ZBTB44: variants seen among roughly 807,000 people sequenced by gnomAD.
ZBTB44 encodes zinc finger and BTB domain containing 44.
Under a neutral mutation model 54.0 loss-of-function variants are expected in ZBTB44, and 15 were observed. The observed-to-expected ratio is 0.28, with a 90% CI of 0.19 to 0.43. The LOEUF (loss-of-function observed/expected upper bound fraction) is 0.43. ZBTB44 is among the 20% of genes least tolerant of loss of function. ZBTB44 has a pLI of 1.00. For synonymous variants in ZBTB44, 230 were observed against 250.1 expected, an observed-to-expected ratio of 0.92 and a Z score of 0.76; for missense variants, 487 against 707.1, an observed-to-expected ratio of 0.69 and a Z score of 3.53.
At chr11:130,240,910 T>C (rs1304121587) in intron 2 of ZBTB44, among the ~76,000 whole-genome samples, 1 of 152,224 alleles carries the variant, frequency 6.6e-6, no homozygotes, top group Non-Finnish European at 1.5e-5. Context: ...CTAAAACAGT[T>C]ATCATTTTGC....
chr11:130,260,328 G>C (rs1938769464), intron 2 of ZBTB44, among the ~76,000 whole-genome samples: 1 of 152,150 alleles, frequency 6.6e-6, no homozygotes, highest in Non-Finnish European at 1.5e-5. Flanking sequence ...CCACACTTGG[G>C]TAAACTCTTA....
Position 130,295,590 on chromosome 11 carries a change from T to A in ZBTB44, c.-57+18785A>T. 3 of 729,614 alleles carry A rather than the reference T, an allele frequency of 4.1e-6. No homozygotes were observed. In the Admixed American group the frequency reaches 6.5e-5, roughly 16 times the overall value. The allele number at this position is 729,614 out of a possible 1,614,324, so 45.2% of individuals were successfully genotyped here. A position where few individuals can be genotyped will look rare whatever the true frequency, so the allele number is the denominator to read the frequency against. ...ACAGGAGCATTTGAGGATACTTCAT[T>A]TGCTTCTCTACATAATATTGTCAAT... On this transcript the variant is annotated intron_variant, in intron 1 of 7. Coordinates refer to ENST00000357899, the MANE Select transcript of ZBTB44 (RefSeq NM_001301098.2).
chr11:130,295,921 T>A (rs1037680091), intron 1 of ZBTB44: 1 of 1,518,632 alleles, frequency 6.6e-7, no homozygotes, highest in African/African-American at 1.4e-5. Flanking sequence ...CAGTAACGGA[T>A]CTGCTGAAGC....
intron 1 of ZBTB44, among the ~76,000 whole-genome samples, chr11:130,305,778 T>C (rs1003873741): frequency 2.6e-5 from 4 of 152,196 alleles, no homozygotes; most frequent in South Asian, 4.1e-4. Context: ...AGCTTCTACA[T>C]AGCAAAAGAA....
intron 1 of ZBTB44, among the ~76,000 whole-genome samples, chr11:130,282,644 G>A (rs1940614725): frequency 6.6e-6 from 1 of 152,182 alleles, no homozygotes; most frequent in South Asian, 2.1e-4. Context: ...TAGCCCTACA[G>A]CCTTCTACTA....
At chr11:130,293,828 T>C (rs1456707267) in intron 1 of ZBTB44, among the ~76,000 whole-genome samples, 1 of 151,938 alleles carries the variant, frequency 6.6e-6, no homozygotes, top group Admixed American at 6.6e-5. Flanking sequence ...AAAAAAACCA[T>C]TTTATAACTA....
chr11:130,296,194 A>G (rs1941632322), intron 1 of ZBTB44: 3 of 1,320,648 alleles, frequency 2.3e-6, no homozygotes, highest in Admixed American at 3.6e-5. Flanking sequence ...TGAAAAAAGG[A>G]GCCATTGTAT....
chr11:130,252,714 T>C, intron 2 of ZBTB44, among the ~76,000 whole-genome samples: 1 of 152,194 alleles, frequency 6.6e-6, no homozygotes, highest in East Asian at 1.9e-4. Context: ...CTAACTCATT[T>C]TATGAGGCCA....
intron 1 of ZBTB44, among the ~76,000 whole-genome samples, chr11:130,298,840 C>T (rs959524305): frequency 1.3e-5 from 2 of 151,766 alleles, no homozygotes; most frequent in African/African-American, 4.8e-5. Context: ...CAGACACACA[C>T]ACACACACAC....
rs772920399 is a variant in ZBTB44, at chr11:130,261,890, T to A, written c.-17A>T. 1.9e-6 allele frequency: 3 copies of A among 1,584,146 alleles called. No individual in the cohort carries two copies. The highest frequency in any genetic ancestry group is 2.6e-6 in the Non-Finnish European group (3 of 1,164,000). On this transcript the variant is annotated 5_prime_UTR_variant, in exon 2 of 8. Transcript: ENST00000357899. This position sits in a 1 kb window ranked among gnomAD's most constrained non-coding sequence, Gnocchi z 4.8. ...CACACCCATCTTTTACTTCCTCTTC[T>A]ACAGATGCTCTTCAAGGATGCAAAT...
In ZBTB44 at chr11:130,271,674, A is replaced by C. The variant is rs192799187; in HGVS notation, c.-56-9745T>G. Among the ~76,000 whole-genome samples, 241 of 152,244 alleles carry C rather than the reference A, an allele frequency of 1.6e-3. 5 individuals are homozygous for C. In the South Asian group the frequency reaches 0.035, roughly 22 times the overall value. The stretch of plus-strand genomic sequence containing the variant: ...CATGTATCATGCCTCATTTACATTT[A>C]TTGCTGAAAAAATACTCCACTCCAT... On this transcript the variant is annotated intron_variant, in intron 1 of 7. Coordinates refer to ENST00000357899, the MANE Select transcript of ZBTB44 (RefSeq NM_001301098.2).
intron 1 of ZBTB44, among the ~76,000 whole-genome samples, chr11:130,311,192 G>A (rs1201594303): frequency 6.6e-6 from 1 of 152,112 alleles, no homozygotes; most frequent in African/African-American, 2.4e-5. Flanking sequence ...TGTATACAGT[G>A]GGAGAAAGCA....
intron 1 of ZBTB44, among the ~76,000 whole-genome samples, chr11:130,305,495 A>G (rs1026169981): frequency 6.6e-6 from 1 of 152,238 alleles, no homozygotes; most frequent in Admixed American, 6.5e-5. Flanking sequence ...AAACAAAAAC[A>G]TAAAGTGGAG....
At chr11:130,279,034 ATATAG>A (rs1322243824) in intron 1 of ZBTB44, among the ~76,000 whole-genome samples, 1 of 152,102 alleles carries the variant, frequency 6.6e-6, no homozygotes, top group African/African-American at 2.4e-5. Flanking sequence ...ATTTTTGATA[ATATAG>A]TATAGCAAAT....
chr11:130,254,335 T>C (rs542405867), intron 2 of ZBTB44, among the ~76,000 whole-genome samples: 2 of 152,186 alleles, frequency 1.3e-5, no homozygotes, highest in African/African-American at 4.8e-5. Flanking sequence ...AAAGGGCTAA[T>C]ATCCAGAATC....
chr11:130,307,596 C>T (rs1054421972), intron 1 of ZBTB44, among the ~76,000 whole-genome samples: 3 of 152,084 alleles, frequency 2.0e-5, no homozygotes, highest in Non-Finnish European at 4.4e-5. Context: ...AAATGATATA[C>T]AATCATGCGT....
intron 4 of ZBTB44, among the ~76,000 whole-genome samples, chr11:130,237,675 CAG>C (rs1954165373): frequency 6.6e-6 from 1 of 152,140 alleles, no homozygotes; most frequent in Admixed American, 6.5e-5. Context: ...TTCATTATCA[CAG>C]TGTTTTGGGG....
intron 5 of ZBTB44, 143 bp downstream of exon 5, chr11:130,236,650 T>C (rs962566719): frequency 9.7e-6 from 8 of 822,162 alleles, no homozygotes; most frequent in African/African-American, 5.3e-5. Flanking sequence ...ATCAGGAGAT[T>C]AGAGTATGAA....
intron 2 of ZBTB44, among the ~76,000 whole-genome samples, chr11:130,251,481 A>C (rs1233347073): frequency 1.3e-5 from 2 of 152,228 alleles, no homozygotes; most frequent in Non-Finnish European, 2.9e-5. Flanking sequence ...AGCAACCCCA[A>C]GAGACATAAT....
Sources: allele counts gnomAD v4.1 joint callset (sites outside exome capture counted in the v4.1 genomes callset), GRCh38; gene constraint gnomAD v4.1.1; non-coding constraint Gnocchi (gnomAD v3.1); transcripts MANE v1.5; gene names NCBI Gene and HGNC (gene_info 2026-07-23, HGNC 2026-07-21).